DOCK3: variants seen among roughly 807,000 people sequenced by gnomAD.
DOCK3 encodes dedicator of cytokinesis protein 3.
Under a neutral mutation model 265.6 loss-of-function variants are expected in DOCK3, and 60 were observed. The observed-to-expected ratio is 0.23, with a 90% CI of 0.18 to 0.28. The LOEUF (loss-of-function observed/expected upper bound fraction) is 0.28. Among genes scored for constraint, DOCK3 ranks in the 10% least tolerant of loss-of-function variants. The probability of loss-of-function intolerance (pLI) is 1.00; values close to 1 mark genes in which losing one functional copy is unlikely to be tolerated. For synonymous variants in DOCK3, 881 were observed against 938.0 expected (o/e 0.94, Z 1.11); for missense variants, 1,981 against 2,594.3 (o/e 0.76, Z 5.14).
intron 12 of DOCK3, among the ~76,000 whole-genome samples, chr3:51,171,515 G>A (rs1040382168): frequency 3.3e-5 from 5 of 151,974 alleles, no homozygotes; most frequent in African/African-American, 7.3e-5. Context: ...ATGAGATCAC[G>A]ACCATCCTGG....
rs2081524579 is a variant in DOCK3 at position 51,064,542 on chromosome 3, A to C, written c.410A>C (p.Asp137Ala). The C allele has an allele frequency of 1.2e-6, 2 of 1,613,906 alleles. No individual in the cohort carries two copies. The highest frequency in any genetic ancestry group is 2.7e-5 in the African/African-American group (2 of 74,950). Residue 137 changes from aspartate (D) to alanine (A), a missense_variant, in exon 6 of 53, where the codon GAT (aspartate) becomes GCT (alanine). This residue lies in a region of DOCK3 where 456 missense variants were observed against 539.0 expected (regional missense o/e 0.85). Coordinates refer to ENST00000266037, the MANE Select transcript of DOCK3 (RefSeq NM_004947.5). ...RQLLSGHLTQ[D>A]QVREVKRHIT... ...CTACTGTCTGGTCACCTGACTCAGGATCAGGTGCGGGAGGTTAAGCGGCAC... is the reference window on the plus strand; with the variant it reads ...CTACTGTCTGGTCACCTGACTCAGGCTCAGGTGCGGGAGGTTAAGCGGCAC...
intron 9 of DOCK3, among the ~76,000 whole-genome samples, chr3:51,111,281 G>A (rs2083504533): frequency 6.6e-6 from 1 of 151,948 alleles, no homozygotes; most frequent in Non-Finnish European, 1.5e-5. Flanking sequence ...CAAAGCAGGA[G>A]ACATCATGCT....
chr3:51,015,138 A>C (rs2079101478), intron 5 of DOCK3, among the ~76,000 whole-genome samples: 1 of 152,038 alleles, frequency 6.6e-6, no homozygotes, highest in Admixed American at 6.6e-5. Flanking sequence ...CTCTGGTCTA[A>C]TTGCTCCAGC....
intron 9 of DOCK3, among the ~76,000 whole-genome samples, chr3:51,133,757 G>T (rs567553109): frequency 2.0e-4 from 30 of 152,242 alleles, no homozygotes; most frequent in African/African-American, 7.2e-4. Context: ...AAGGGTGTGG[G>T]ATAATGGTGG....
chr3:51,352,999 C>T (rs575267794), intron 40 of DOCK3, among the ~76,000 whole-genome samples: 4 of 152,296 alleles, frequency 2.6e-5, no homozygotes, highest in East Asian at 1.9e-4. Flanking sequence ...CTGCCTGCCT[C>T]GCCTCACAAA....
chr3:51,173,144 A>G (rs1488656088), intron 12 of DOCK3, among the ~76,000 whole-genome samples: 3 of 152,070 alleles, frequency 2.0e-5, no homozygotes, highest in African/African-American at 7.2e-5. Flanking sequence ...CTTTTTAGAC[A>G]TAGTCTTACC....
intron 3 of DOCK3, chr3:50,881,183 C>A (rs1289504162): frequency 2.0e-5 from 3 of 152,270 alleles, no homozygotes; most frequent in Middle Eastern, 3.4e-3. Flanking sequence ...ACTGAATGGG[C>A]AAAAACTGGA....
chr3:50,903,258 A>G (rs2049298877), intron 4 of DOCK3, among the ~76,000 whole-genome samples: 1 of 152,146 alleles, frequency 6.6e-6, no homozygotes, highest in Non-Finnish European at 1.5e-5. Flanking sequence ...TTCACAGGTA[A>G]TGCTTCCAGC....
chr3:51,074,349 G>A (rs139411443), intron 6 of DOCK3, among the ~76,000 whole-genome samples: 2 of 152,270 alleles, frequency 1.3e-5, no homozygotes, highest in Non-Finnish European at 2.9e-5. Flanking sequence ...CAAGAAAAGA[G>A]CTAACGTTTA....
In DOCK3 at chr3:50,910,993, T is replaced by G. The variant is rs563431732; in HGVS notation, c.218+20912T>G. 2.8e-5 allele frequency among the ~76,000 whole-genome samples: 4 copies of G among 142,042 alleles called. No homozygotes were observed. The Admixed American group carries it at 3.1e-4, about 11-fold the overall frequency. 93.2% of individuals were successfully genotyped at this position (142,042 alleles called of 152,430 possible). A position where few individuals can be genotyped will look rare whatever the true frequency, so the allele number is the denominator to read the frequency against. On this transcript the variant is annotated intron_variant, in intron 4 of 52. Coordinates refer to ENST00000266037, the MANE Select transcript of DOCK3 (RefSeq NM_004947.5). The stretch of plus-strand genomic sequence containing the variant: ...GCCATCTTGCTATGCCTTCCCTCAT[T>G]TGTCTGTTTTTTTTTTGGATTGTCT...
At chr3:50,873,884 T>G (rs371741465) in intron 3 of DOCK3, among the ~76,000 whole-genome samples, 8 of 152,324 alleles carry the variant, frequency 5.3e-5, no homozygotes, top group African/African-American at 1.9e-4. Context: ...GCATACAGAA[T>G]TGTTTTCTGC....
chr3:51,018,340 G>A (rs2079442515), intron 5 of DOCK3, among the ~76,000 whole-genome samples: 1 of 151,324 alleles, frequency 6.6e-6, no homozygotes, highest in Non-Finnish European at 1.5e-5. Context: ...GCTCATGCCT[G>A]TAATCCCAGC....
chr3:50,741,600 G>A (rs1276621726), intron 1 of DOCK3, among the ~76,000 whole-genome samples: 1 of 150,934 alleles, frequency 6.6e-6, no homozygotes, highest in Non-Finnish European at 1.5e-5. Context: ...CAAAGGACAT[G>A]AACTCATCAT....
intron 5 of DOCK3, among the ~76,000 whole-genome samples, chr3:51,060,186 T>TAA (rs35488627): frequency 0.75 from 111,919 of 149,886 alleles, 42,832 homozygotes; most frequent in Middle Eastern, 0.88. Context: ...CTATTGCATA[T>TAA]AAAAAAAAAG....
chr3:51,154,688 C>T (rs1576263419), intron 10 of DOCK3, among the ~76,000 whole-genome samples: 2 of 152,150 alleles, frequency 1.3e-5, no homozygotes, highest in East Asian at 3.8e-4. Context: ...AACAGAGCTG[C>T]GTGCATGTAC....
intron 5 of DOCK3, among the ~76,000 whole-genome samples, chr3:50,940,635 A>G (rs1057407104): frequency 4.6e-5 from 7 of 152,166 alleles, no homozygotes; most frequent in Non-Finnish European, 8.8e-5. Flanking sequence ...CGGTTAAACA[A>G]TTTTGAAAAG....
chr3:51,026,433 GTTTT>G (rs34722593), intron 5 of DOCK3, among the ~76,000 whole-genome samples: 1 of 140,230 alleles, frequency 7.1e-6, no homozygotes, highest in Non-Finnish European at 1.6e-5. Flanking sequence ...TTGGCCTGTA[GTTTT>G]TTTTTTTTTT....
chr3:51,149,024 A>G (rs1018748326), intron 10 of DOCK3, among the ~76,000 whole-genome samples: 6 of 152,148 alleles, frequency 3.9e-5, no homozygotes, highest in Non-Finnish European at 5.9e-5. Context: ...TTCGTTGAGC[A>G]GTGGTTTGTA....
chr3:50,703,309 T>G (rs565149280), intron 1 of DOCK3, among the ~76,000 whole-genome samples: 1 of 152,290 alleles, frequency 6.6e-6, no homozygotes, highest in South Asian at 2.1e-4. Context: ...GTTTTCTCTT[T>G]TTTTTCTTGT....
Sources: gnomAD v4.1 joint callset for allele counts (sites outside exome capture counted in the v4.1 genomes callset) on GRCh38, gnomAD v4.1.1 for gene constraint, gnomAD v4.1.1 regional missense constraint, MANE v1.5 for transcripts, NCBI Gene and HGNC (gene_info 2026-07-23, HGNC 2026-07-21) for gene names.